KCNAB1: variants seen among roughly 807,000 people sequenced by gnomAD.
The protein encoded by KCNAB1 is voltage-gated potassium channel subunit beta-1.
Under a neutral mutation model 64.6 loss-of-function variants are expected in KCNAB1, and 35 were observed. The ratio of observed to expected loss-of-function variants is 0.54; its 90% CI spans 0.41 to 0.72. The LOEUF (loss-of-function observed/expected upper bound fraction) is 0.72. KCNAB1 is among the 30% of genes least tolerant of loss of function. KCNAB1 has a pLI of 0.00. For missense variants in KCNAB1, 401 were observed against 512.9 expected (o/e 0.78, Z 2.11); for synonymous variants, 177 against 183.8 (o/e 0.96, Z 0.30).
At chr3:156,351,079 A>T (rs1260857787) in intron 1 of KCNAB1, among the ~76,000 whole-genome samples, 2 of 152,280 alleles carry the variant, frequency 1.3e-5, no homozygotes, top group Non-Finnish European at 2.9e-5. Flanking sequence ...ATCATCCAGT[A>T]TGGAAAGGAA....
intron 1 of KCNAB1, among the ~76,000 whole-genome samples, chr3:156,295,143 G>A (rs1276657298): frequency 6.6e-6 from 1 of 151,594 alleles, no homozygotes; most frequent in Non-Finnish European, 1.5e-5. Context: ...TTTTTTTTTG[G>A]AGGGGTGATA....
At chr3:156,367,365 T>G (rs1726015236) in intron 1 of KCNAB1, among the ~76,000 whole-genome samples, 1 of 151,488 alleles carries the variant, frequency 6.6e-6, no homozygotes, top group Non-Finnish European at 1.5e-5. Context: ...GTATTTTTAG[T>G]AGAGACGGGG....
intron 1 of KCNAB1, among the ~76,000 whole-genome samples, chr3:156,122,652 G>A (rs1282752599): frequency 1.3e-5 from 2 of 152,146 alleles, no homozygotes; most frequent in Non-Finnish European, 1.5e-5. Context: ...ATTGACAATA[G>A]CATGGTGTTT....
At chr3:156,273,325 T>C (rs747471624) in intron 1 of KCNAB1, among the ~76,000 whole-genome samples, 1 of 152,202 alleles carries the variant, frequency 6.6e-6, no homozygotes, top group Non-Finnish European at 1.5e-5. Context: ...TAGACTGCCT[T>C]TCAAGTTTAT....
At position 156,343,535 on chromosome 3, in the gene KCNAB1, C is replaced by T. The variant is rs1042484652; in HGVS notation, c.276-78081C>T. On this transcript the variant is annotated intron_variant, in intron 1 of 13. Coordinates refer to ENST00000490337, the MANE Select transcript of KCNAB1 (RefSeq NM_172160.3). ...CTTTCAGCAAATTGGCCTTCCGAGTCAGGGCCTTTTCAGCCTCCGCAGCTT... is the reference window on the plus strand; with the variant it reads ...CTTTCAGCAAATTGGCCTTCCGAGTTAGGGCCTTTTCAGCCTCCGCAGCTT... Among the ~76,000 whole-genome samples, 4 of 152,332 alleles carry T rather than the reference C, an allele frequency of 2.6e-5. No individual in the cohort carries two copies. The South Asian group carries it at 8.3e-4, about 32-fold the overall frequency.
At chr3:156,525,365 C>CA (rs550499142) in intron 12 of KCNAB1, among the ~76,000 whole-genome samples, 3,635 of 98,840 alleles carry the variant, frequency 0.037, 85 homozygotes, top group African/African-American at 0.1. Context: ...TAGTTTTTAA[C>CA]AAAAAAAAAA....
At chr3:156,342,001 C>A (rs937504156) in intron 1 of KCNAB1, among the ~76,000 whole-genome samples, 4 of 152,168 alleles carry the variant, frequency 2.6e-5, no homozygotes, top group Non-Finnish European at 4.4e-5. Flanking sequence ...CTGCCCACAC[C>A]AGAGCCACTC....
chr3:156,395,318 G>A (rs891083919), intron 1 of KCNAB1, among the ~76,000 whole-genome samples: 86 of 149,626 alleles, frequency 5.7e-4, no homozygotes, highest in Non-Finnish European at 1.1e-3. Context: ...GGCCGAGGCG[G>A]GCGGATCACG....
chr3:156,279,064 C>T (rs1167531558), intron 1 of KCNAB1, among the ~76,000 whole-genome samples: 1 of 151,516 alleles, frequency 6.6e-6, no homozygotes, highest in Non-Finnish European at 1.5e-5. Context: ...GCGCTTCACC[C>T]ACTAACTCAT....
chr3:156,264,405 C>T (rs529114136), intron 1 of KCNAB1, among the ~76,000 whole-genome samples: 3 of 151,934 alleles, frequency 2.0e-5, no homozygotes, highest in Admixed American at 6.6e-5. Flanking sequence ...ATTTAATTTA[C>T]GTTTACTGTG....
At chr3:156,298,339 G>A (rs540743737) in intron 1 of KCNAB1, among the ~76,000 whole-genome samples, 12 of 152,290 alleles carry the variant, frequency 7.9e-5, no homozygotes, top group Middle Eastern at 3.4e-3. Context: ...AAGAGTTTCC[G>A]GAAACGGCTA....
At chr3:156,342,021 T>C (rs1724150285) in intron 1 of KCNAB1, among the ~76,000 whole-genome samples, 1 of 152,200 alleles carries the variant, frequency 6.6e-6, no homozygotes, top group African/African-American at 2.4e-5. Context: ...CCCTGGCAGC[T>C]TCTCCTACCT....
At chr3:156,197,875 G>A (rs975845056) in intron 1 of KCNAB1, among the ~76,000 whole-genome samples, 8 of 151,984 alleles carry the variant, frequency 5.3e-5, no homozygotes, top group African/African-American at 1.7e-4. Context: ...TTTTAATTGC[G>A]ATGTTAGGGT....
At chr3:156,357,149 A>G (rs1725298540) in intron 1 of KCNAB1, among the ~76,000 whole-genome samples, 1 of 145,464 alleles carries the variant, frequency 6.9e-6, no homozygotes, top group Non-Finnish European at 1.5e-5. Context: ...ACACAAACAC[A>G]CATGTGCGCG....
intron 1 of KCNAB1, among the ~76,000 whole-genome samples, chr3:156,174,793 G>A (rs918870058): frequency 5.3e-5 from 8 of 152,156 alleles, no homozygotes; most frequent in Non-Finnish European, 1.2e-4. Flanking sequence ...ACCAACGCAG[G>A]GGTCTAAAAA....
chr3:156,144,398 T>G lies in KCNAB1; in HGVS notation c.275+23512T>G, dbSNP rs187531459. On this transcript the variant is annotated intron_variant, in intron 1 of 13. Transcript: ENST00000490337. ...AGCTAATTATATTCATAAAGCAATT[T>G]GCAATGATATGGCTCCTCTCTGGAG... Among the ~76,000 whole-genome samples, 203 of 152,350 alleles carry G rather than the reference T, an allele frequency of 1.3e-3. No homozygotes were observed. In the South Asian group the frequency reaches 0.017, roughly 13 times the overall value.
chr3:156,523,775 G>A, intron 11 of KCNAB1, 52 bp from the exon 12 acceptor site: 1 of 1,532,386 alleles, frequency 6.5e-7, no homozygotes, highest in Non-Finnish European at 8.9e-7. Flanking sequence ...ACCATTCTTT[G>A]ACATCAGATC....
intron 1 of KCNAB1, among the ~76,000 whole-genome samples, chr3:156,137,222 G>GC (rs1560102732): frequency 7.6e-6 from 1 of 132,412 alleles, no homozygotes; most frequent in African/African-American, 3.1e-5. Context: ...TCATACATTG[G>GC]TGGGGGGGGA....
chr3:156,323,878 G>A (rs1391582910), intron 1 of KCNAB1, among the ~76,000 whole-genome samples: 2 of 152,074 alleles, frequency 1.3e-5, no homozygotes, highest in Non-Finnish European at 2.9e-5. Context: ...GAATTATTAT[G>A]GAAATGGCTT....
Sources: allele counts gnomAD v4.1 joint callset (sites outside exome capture counted in the v4.1 genomes callset), GRCh38; gene constraint gnomAD v4.1.1; transcripts MANE v1.5; gene names NCBI Gene and HGNC (gene_info 2026-07-23, HGNC 2026-07-21).